The following IQCE variants were observed in gnomAD, a reference collection of about 807,000 sequenced individuals.
IQCE encodes the protein IQ domain-containing protein E.
IQCE carries 115 observed loss-of-function variants against 96.0 expected under a neutral mutation model. That is an observed-to-expected ratio of 1.20 (90% CI 1.03 to 1.40). IQCE has a LOEUF of 1.40. Among genes scored for constraint, IQCE ranks in the 40% most tolerant of loss-of-function variants. The pLI, the probability that IQCE is intolerant of heterozygous loss-of-function variation, is 0.00. For missense variants in IQCE, 1,041 were observed against 909.1 expected, an observed-to-expected ratio of 1.15 and a Z score of -1.87; for synonymous variants, 412 against 371.2, an observed-to-expected ratio of 1.11 and a Z score of -1.26.
At chr7:2,582,723 C>T in intron 9 of IQCE, 73 bp downstream of exon 9, 2 of 1,320,632 alleles carry the variant, frequency 1.5e-6, no homozygotes, top group East Asian at 2.4e-5. Flanking sequence ...CGCCTTTGTT[C>T]CTCCCCCACC....
rs983827452 is a variant in IQCE at position 2,588,021 on chromosome 7, C to T, written c.1044+144C>T. ...CCACACACAGACCGCAAGGAGACTTCTTCCAGGTCTAGACAACGCTGAAGG... is the reference window on the plus strand; with the variant it reads ...CCACACACAGACCGCAAGGAGACTTTTTCCAGGTCTAGACAACGCTGAAGG... On this transcript the variant is annotated intron_variant, in intron 13 of 21. Transcript: ENST00000402050. 2.7e-5 allele frequency: 21 copies of T among 781,086 alleles called. No individual in the cohort carries two copies. In the Admixed American group the frequency reaches 3.8e-4, roughly 14 times the overall value. 48.4% of individuals were successfully genotyped at this position (781,086 alleles called of 1,614,324 possible).
chr7:2,578,396 C>A (rs1304114123), intron 7 of IQCE, 41 bp downstream of exon 7: 9 of 1,611,196 alleles, frequency 5.6e-6, no homozygotes, highest in Non-Finnish European at 7.6e-6. Context: ...AGGGGAGGGT[C>A]CTCGGGGCAG....
At chr7:2,572,777 C>T (rs1324078107) in intron 5 of IQCE, 2 of 455,098 alleles carry the variant, frequency 4.4e-6, no homozygotes, top group South Asian at 3.1e-5. Flanking sequence ...TTCCTGGACT[C>T]AAGTGATCCT....
At chr7:2,567,385 G>A (rs958028703) in intron 2 of IQCE, among the ~76,000 whole-genome samples, 1 of 152,240 alleles carries the variant, frequency 6.6e-6, no homozygotes, top group African/African-American at 2.4e-5. Flanking sequence ...TCCTGAGCAG[G>A]GCTCATGTGA....
chr7:2,593,105 G>A lies in IQCE; in HGVS notation c.1328G>A (p.Arg443Lys). The A allele has an allele frequency of 6.2e-7, 1 of 1,612,634 alleles. No homozygotes were observed. The highest frequency in any genetic ancestry group is 8.5e-7 in the Non-Finnish European group (1 of 1,178,848). Residue 443 changes from arginine (R) to lysine (K), a missense_variant, in exon 15 of 22, where the codon AGA becomes AAA. By Grantham distance (26) the Arg-to-Lys change is conservative. Transcript: ENST00000402050. ...GCGAGGGAGGGCGAGGAGGAGAGGA[G>A]AGAGCGAGAGGAGGTTTTGAGGTAT... is the stretch of plus-strand genomic sequence containing the variant. ...ECAREGEEER[R>K]EREEVLREEI...
At chr7:2,582,765 C>G in intron 9 of IQCE, 115 bp downstream of exon 9, 1 of 838,710 alleles carries the variant, frequency 1.2e-6, no homozygotes, top group South Asian at 1.5e-5. Context: ...AGCCCAAAGC[C>G]GAAGGTGAAT....
At chr7:2,571,907 C>G (rs2128437518) in intron 4 of IQCE, among the ~76,000 whole-genome samples, 1 of 152,276 alleles carries the variant, frequency 6.6e-6, no homozygotes, top group South Asian at 2.1e-4. Context: ...CCAGAGCCAA[C>G]TGTTATAGTC....
chr7:2,591,660 G>A (rs1266696524), intron 14 of IQCE, among the ~76,000 whole-genome samples: 1 of 132,702 alleles, frequency 7.5e-6, no homozygotes, highest in Non-Finnish European at 1.6e-5. Context: ...TCACTCTGTT[G>A]CCCAGGCTGG....
chr7:2,595,955 A>G (rs1484849077), intron 16 of IQCE, among the ~76,000 whole-genome samples: 1 of 150,770 alleles, frequency 6.6e-6, no homozygotes, highest in Non-Finnish European at 1.5e-5. Context: ...CTGCACTTGC[A>G]CTTCTGGTGG....
rs1366345961 is a variant in IQCE, at chr7:2,614,072, A to G, written c.*3910A>G. 1 of 152,104 alleles carries G rather than the reference A, an allele frequency of 6.6e-6. No individual in the cohort carries two copies. Among genetic ancestry groups the G allele is most frequent in the Non-Finnish European group, 1.5e-5 (1 of 68,012 alleles). 9.4% of individuals were successfully genotyped at this position (152,104 alleles called of 1,614,324 possible). A position where few individuals can be genotyped will look rare whatever the true frequency, so the allele number is the denominator to read the frequency against. On this transcript the variant is annotated 3_prime_UTR_variant, in exon 22 of 22. Coordinates refer to ENST00000402050, the MANE Select transcript of IQCE (RefSeq NM_152558.5). ...ATGTCTATTTTTGTCTCCTGACGAG[A>G]CGTGAGGACCATGCCCTTGATCCCT...
rs528736683 is a variant in IQCE at position 2,601,868 on chromosome 7, AC to A, written c.1632+406del. 2.3e-3 allele frequency: 464 copies of A among 203,220 alleles called. 1 individual carries two copies. Among genetic ancestry groups the A allele is most frequent in the African/African-American group, 0.01 (434 of 42,114 alleles). 12.6% of individuals were successfully genotyped at this position (203,220 alleles called of 1,614,324 possible). A position where few individuals can be genotyped will look rare whatever the true frequency, so the allele number is the denominator to read the frequency against. ...CCCGGCAAGTCCTTCTTTTCATGAA[AC>A]CAAACCAGACCCCAACGTTAAGTAT... On this transcript the variant is annotated intron_variant, in intron 18 of 21. Coordinates refer to ENST00000402050, the MANE Select transcript of IQCE (RefSeq NM_152558.5).
chr7:2,598,500 G>T lies in IQCE; in HGVS notation c.1476G>T (p.Arg492Ser). ...QELPAPTPSSRHCEQDWPPDS... is the reference protein window; with the variant it reads ...QELPAPTPSSSHCEQDWPPDS... Reference sequence around the variant, plus strand: ...TCCCAGCTCCCACTCCCAGCAGCAGGCACTGCGAGCAAGACTGGCCGCCGG... The same window carrying T: ...TCCCAGCTCCCACTCCCAGCAGCAGTCACTGCGAGCAAGACTGGCCGCCGG... The change falls in exon 17 of 22, where the codon AGG becomes AGT. Residue 492 changes from arginine to serine, a missense_variant. Coordinates refer to ENST00000402050, the MANE Select transcript of IQCE (RefSeq NM_152558.5). The T allele has an allele frequency of 1.2e-6, 2 of 1,604,596 alleles. No individual in the cohort carries two copies. The highest frequency in any genetic ancestry group is 1.7e-5 in the Admixed American group (1 of 58,514).
intron 3 of IQCE, among the ~76,000 whole-genome samples, chr7:2,569,478 G>T (rs1470389069): frequency 6.6e-6 from 1 of 152,116 alleles, no homozygotes; most frequent in African/African-American, 2.4e-5. Context: ...TGCTGCCAGG[G>T]TTCTATTCTT....
At chr7:2,606,372 G>A (rs1583521574) in intron 20 of IQCE, among the ~76,000 whole-genome samples, 1 of 152,102 alleles carries the variant, frequency 6.6e-6, no homozygotes, top group Non-Finnish European at 1.5e-5. Flanking sequence ...TGTGACCTCC[G>A]TGTTGGACAC....
At chr7:2,576,771 T>C (rs372735870) in intron 6 of IQCE, among the ~76,000 whole-genome samples, 5 of 152,268 alleles carry the variant, frequency 3.3e-5, no homozygotes, top group African/African-American at 1.2e-4. Flanking sequence ...CAGATAAAGA[T>C]TGGGAAGCAC....
At chr7:2,575,350 G>C (rs1456211162) in intron 6 of IQCE, among the ~76,000 whole-genome samples, 1 of 152,242 alleles carries the variant, frequency 6.6e-6, no homozygotes, top group Admixed American at 6.5e-5. Flanking sequence ...CAGGGTGGGA[G>C]TTCAGGCCCC....
chr7:2,568,171 G>T (rs762805611), intron 2 of IQCE, among the ~76,000 whole-genome samples: 1 of 152,200 alleles, frequency 6.6e-6, no homozygotes, highest in African/African-American at 2.4e-5. Context: ...GCACCCTCAT[G>T]AGGCCACAAG....
intron 21 of IQCE, among the ~76,000 whole-genome samples, chr7:2,608,259 G>T (rs928106815): frequency 1.3e-5 from 2 of 152,190 alleles, no homozygotes; most frequent in African/African-American, 2.4e-5. Context: ...GATCCCTCCT[G>T]TGCTGACGCG....
rs1785088518 is a variant in IQCE, at chr7:2,611,139, T to TGGGCTGGGCCGGGCCGGGCCGGGCC, written c.*981_*982insTGGGCCGGGCCGGGCCGGGCCGGGC. ...TGGGCTGGGCTGGGCTGGGCTGGGC[T>TGGGCTGGGCCGGGCCGGGCCGGGCC]GGGCCGGGCGTGCGGAGCCTGTGGA... On this transcript the variant is annotated 3_prime_UTR_variant, in exon 22 of 22. Transcript: ENST00000402050. The TGGGCTGGGCCGGGCCGGGCCGGGCC allele has an allele frequency of 2.2e-5, 3 of 137,242 alleles. No homozygotes were observed. The highest frequency in any genetic ancestry group is 8.7e-5 in the African/African-American group (3 of 34,394). 8.5% of individuals were successfully genotyped at this position (137,242 alleles called of 1,614,324 possible).
Sources: allele counts gnomAD v4.1 joint callset (sites outside exome capture counted in the v4.1 genomes callset), GRCh38; gene constraint gnomAD v4.1.1; transcripts MANE v1.5; gene names NCBI Gene and HGNC (gene_info 2026-07-23, HGNC 2026-07-21).